VWA1: variants seen among roughly 807,000 people sequenced by gnomAD.
VWA1 encodes the protein von Willebrand factor A domain containing 1.
Under a neutral mutation model 14.9 loss-of-function variants are expected in VWA1, and 12 were observed. The ratio of observed to expected loss-of-function variants is 0.80; its 90% CI spans 0.52 to 1.30. The LOEUF (loss-of-function observed/expected upper bound fraction) is 1.30. Ranked by LOEUF, VWA1 falls within the 50% of genes most tolerant of loss-of-function variation. VWA1 has a pLI of 0.00. For missense variants in VWA1, 800 were observed against 649.1 expected (o/e 1.23, Z -2.53); for synonymous variants, 368 against 310.7 (o/e 1.18, Z -1.94).
rs749383814 is a variant in VWA1, at chr1:1,435,798, T to TGGCGCGGAGC, written c.62_71dup (p.Gly25ArgfsTer74). On this transcript the variant is annotated frameshift_variant, in exon 1 of 3. Coordinates refer to ENST00000476993, the MANE Select transcript of VWA1 (RefSeq NM_022834.5). LOFTEE classifies it high-confidence loss of function. ...CTGGCCCTGAGCTTGCGGCTGGCGC[T>TGGCGCGGAGC]GGCGCGGAGCGGCGCGGAGCGCGGT... The TGGCGCGGAGC allele has an allele frequency of 9.3e-4, 1,120 of 1,202,546 alleles. 1 individual carries two copies. Among genetic ancestry groups the TGGCGCGGAGC allele is most frequent in the Non-Finnish European group, 1.1e-3 (1,018 of 966,322 alleles). 74.5% of individuals were successfully genotyped at this position (1,202,546 alleles called of 1,614,324 possible).
Position 1,437,446 on chromosome 1 carries a change from T to A in VWA1, c.593T>A (p.Leu198Gln), listed in dbSNP as rs771175066. The change falls in exon 2 of 3, where the codon CTG becomes CAG. Residue 198 changes from leucine (L) to glutamine (Q), a missense_variant. Transcript: ENST00000476993. The stretch of plus-strand genomic sequence containing the variant: ...CTGCACTTTGTGGACGTGGATGACC[T>A]GCACATCATTGTCCAAGAGCTGAGG... ...KHLHFVDVDD[L>Q]HIIVQELRGS... 1 of 1,611,346 alleles carries A rather than the reference T, an allele frequency of 6.2e-7. No individual in the cohort carries two copies. Among genetic ancestry groups the A allele is most frequent in the Non-Finnish European group, 8.5e-7 (1 of 1,178,864 alleles).
Position 1,439,171 on chromosome 1 carries a change from G to T in VWA1, c.722G>T (p.Gly241Val), listed in dbSNP as rs1638604494. ...CCACCCCTGCTGACCGCAGACTCGG[G>T]CTACTATGTGCTGGAGCTGGTGCCC... ...AWPPLLTADSGYYVLELVPSA... is the reference protein window; with the variant it reads ...AWPPLLTADSVYYVLELVPSA... Residue 241 changes from glycine to valine, a missense_variant, in exon 3 of 3, where the codon GGC becomes GTC. Transcript: ENST00000476993. 2 of 1,604,956 alleles carry T rather than the reference G, an allele frequency of 1.2e-6. No homozygotes were observed. The highest frequency in any genetic ancestry group is 8.5e-7 in the Non-Finnish European group (1 of 1,179,396).
chr1:1,437,140 C>A lies in VWA1; in HGVS notation c.287C>A (p.Ala96Asp). 1 of 1,606,570 alleles carries A rather than the reference C, an allele frequency of 6.2e-7. No individual in the cohort carries two copies. Among genetic ancestry groups the A allele is most frequent in the Non-Finnish European group, 8.5e-7 (1 of 1,175,572 alleles). The change falls in exon 2 of 3, where the codon GCT becomes GAT. Residue 96 changes from alanine to aspartate, a missense_variant. Physicochemically the swap from Ala to Asp is moderately radical, Grantham distance 126 (BLOSUM62 -2). Coordinates refer to ENST00000476993, the MANE Select transcript of VWA1 (RefSeq NM_022834.5). Reference protein sequence around the residue: ...FPFGQHSSGEAAQDAVRASAQ... With the variant: ...FPFGQHSSGEDAQDAVRASAQ... ...TTCGGCCAGCACAGCTCGGGTGAGG[C>A]TGCCCAGGATGCGGTGCGTGCTTCT...
rs1424457563 is a variant in VWA1 at position 1,439,094 on chromosome 1, G to C, written c.645G>C (p.Pro215=). 1.9e-6 allele frequency: 3 copies of C among 1,598,442 alleles called. No homozygotes were observed. Among genetic ancestry groups the C allele is most frequent in the East Asian group, 2.2e-5 (1 of 44,754 alleles). ...LRGSILDAMR[P]QQLHATEITS... is the part of the protein sequence containing the mutation. Reference sequence around the variant, plus strand: ...CACCACCCACAGACGCGATGCGGCCGCAGCAGCTCCATGCCACGGAGATCA... The same window carrying C: ...CACCACCCACAGACGCGATGCGGCCCCAGCAGCTCCATGCCACGGAGATCA... The change falls in exon 3 of 3, where the codon CCG becomes CCC. Residue 215 remains proline (P), a synonymous_variant. Coordinates refer to ENST00000476993, the MANE Select transcript of VWA1 (RefSeq NM_022834.5).
In VWA1 at chr1:1,437,168, C is replaced by T. The variant is rs1638563157; in HGVS notation, c.315C>T (p.Ala105=). The T allele has an allele frequency of 4.3e-6, 7 of 1,610,644 alleles. No individual in the cohort carries two copies. The highest frequency in any genetic ancestry group is 5.9e-6 in the Non-Finnish European group (7 of 1,178,804). The part of the protein sequence containing the change: ...EAAQDAVRAS[A]QRMGDTHTGL... Reference sequence around the variant, plus strand: ...CCCAGGATGCGGTGCGTGCTTCTGCCCAGCGCATGGGTGACACCCACACTG... The same window carrying T: ...CCCAGGATGCGGTGCGTGCTTCTGCTCAGCGCATGGGTGACACCCACACTG... Residue 105 remains alanine (A), a synonymous_variant, in exon 2 of 3, where the codon GCC becomes GCT. Coordinates refer to ENST00000476993, the MANE Select transcript of VWA1 (RefSeq NM_022834.5).
At position 1,437,368 on chromosome 1, in the gene VWA1, G is replaced by A. The variant is rs772265345; in HGVS notation, c.515G>A (p.Arg172Gln). 66 of 1,612,650 alleles carry A rather than the reference G, an allele frequency of 4.1e-5. No individual in the cohort carries two copies. Among genetic ancestry groups the A allele is most frequent in the South Asian group, 2.2e-4 (20 of 91,074 alleles). Residue 172 changes from arginine to glutamine, a missense_variant, in exon 2 of 3, where the codon CGA (arginine) becomes CAA (glutamine). By Grantham distance (43) the Arg-to-Gln change is conservative. Coordinates refer to ENST00000476993, the MANE Select transcript of VWA1 (RefSeq NM_022834.5). ...ACCGTGTTCATTGTCAGCACCGGCC[G>A]AGGCAACTTCCTGGAGCTGTCAGCC... The part of the protein sequence containing the change: ...GVTVFIVSTG[R>Q]GNFLELSAAA...
Position 1,435,716 on chromosome 1 carries a change from G to T in VWA1, c.-33G>T. 1 of 1,190,622 alleles carries T rather than the reference G, an allele frequency of 8.4e-7. No individual in the cohort carries two copies. The allele number at this position is 1,190,622 out of a possible 1,614,324, so 73.8% of individuals were successfully genotyped here. A position where few individuals can be genotyped will look rare whatever the true frequency, so the allele number is the denominator to read the frequency against. On this transcript the variant is annotated 5_prime_UTR_variant, in exon 1 of 3. Coordinates refer to ENST00000476993, the MANE Select transcript of VWA1 (RefSeq NM_022834.5). Reference sequence around the variant, plus strand: ...GCCCCGAGCGAGCGAGCGAGCGAGCGAGTTGCCGAGCGCGCCCCGTCCCTC... The same window carrying T: ...GCCCCGAGCGAGCGAGCGAGCGAGCTAGTTGCCGAGCGCGCCCCGTCCCTC...
intron 2 of VWA1, among the ~76,000 whole-genome samples, chr1:1,437,957 G>C (rs936420373): frequency 6.6e-6 from 1 of 152,176 alleles, no homozygotes; most frequent in African/African-American, 2.4e-5. Context: ...AACTAGTTCG[G>C]ACTGCAGGCC....
At position 1,437,463 on chromosome 1, in the gene VWA1, G is replaced by A. The variant is rs368214505; in HGVS notation, c.610G>A (p.Glu204Lys). 3 of 1,605,874 alleles carry A rather than the reference G, an allele frequency of 1.9e-6. No homozygotes were observed. In the African/African-American group the frequency reaches 4.0e-5, roughly 21 times the overall value. The change falls in exon 2 of 3, where the codon GAG becomes AAG. Residue 204 changes from glutamate to lysine, a missense_variant. Coordinates refer to ENST00000476993, the MANE Select transcript of VWA1 (RefSeq NM_022834.5). ...GGATGACCTGCACATCATTGTCCAAGAGCTGAGGGGCTCCATTCTCGGTAT... is the reference window on the plus strand; with the variant it reads ...GGATGACCTGCACATCATTGTCCAAAAGCTGAGGGGCTCCATTCTCGGTAT... ...DVDDLHIIVQ[E>K]LRGSILDAMR...
rs1169941796 is a variant in VWA1, at chr1:1,439,490, C to A, written c.1041C>A (p.Ser347Arg). 139 of 1,416,494 alleles carry A rather than the reference C, an allele frequency of 9.8e-5. No homozygotes were observed. The highest frequency in any genetic ancestry group is 1.2e-4 in the Non-Finnish European group (134 of 1,090,038). 87.7% of individuals were successfully genotyped at this position (1,416,494 alleles called of 1,614,324 possible). The change falls in exon 3 of 3, where the codon AGC (serine) becomes AGA (arginine). Residue 347 changes from serine to arginine, a missense_variant. Coordinates refer to ENST00000476993, the MANE Select transcript of VWA1 (RefSeq NM_022834.5). ...TCATCTCCCACGCCCGGCCGCGCAG[C>A]CTCCGCGTGAGTTGGGCCCCAGCGC... Reference protein sequence around the residue: ...RIVISHARPRSLRVSWAPALG... With the variant: ...RIVISHARPRRLRVSWAPALG...
chr1:1,435,904 C>A, intron 1 of VWA1, 83 bp downstream of exon 1: 1 of 897,158 alleles, frequency 1.1e-6, no homozygotes, highest in Non-Finnish European at 1.3e-6. Flanking sequence ...CGTCGCTGTC[C>A]CCTGCTCCGG....
intron 2 of VWA1, among the ~76,000 whole-genome samples, chr1:1,438,136 A>G (rs539517016): frequency 5.3e-5 from 8 of 152,274 alleles, no homozygotes; most frequent in Admixed American, 5.2e-4. Flanking sequence ...CCACTGAAAA[A>G]TGCCAACCCT....
Position 1,439,761 on chromosome 1 carries a change from C to A in VWA1, c.1312C>A (p.Pro438Thr), listed in dbSNP as rs1023125265. The A allele has an allele frequency of 1.1e-3, 1,200 of 1,086,118 alleles. 1 individual carries two copies. Among genetic ancestry groups the A allele is most frequent in the Non-Finnish European group, 1.3e-3 (1,133 of 895,782 alleles). 67.3% of individuals were successfully genotyped at this position (1,086,118 alleles called of 1,614,324 possible). A position where few individuals can be genotyped will look rare whatever the true frequency, so the allele number is the denominator to read the frequency against. The change falls in exon 3 of 3, where the codon CCG (proline) becomes ACG (threonine). Residue 438 changes from proline to threonine, a missense_variant. By Grantham distance (38) the Pro-to-Thr change is conservative. Coordinates refer to ENST00000476993, the MANE Select transcript of VWA1 (RefSeq NM_022834.5). ...ACGCCCCGTGCCCCGCGCCCCGACC[C>A]CGGGGACCGCCAGCCGTGAGCCGTA... ...RPRPVPRAPT[P>T]GTASREP is the part of the protein sequence containing the mutation.
In VWA1 at chr1:1,435,736, T is replaced by A. The variant is rs1044198077; in HGVS notation, c.-13T>A. ...CGAGCGAGTTGCCGAGCGCGCCCCG[T>A]CCCTCGCGCGCGATGCTCCCCTGGA... On this transcript the variant is annotated 5_prime_UTR_variant, in exon 1 of 3. Coordinates refer to ENST00000476993, the MANE Select transcript of VWA1 (RefSeq NM_022834.5). 12 of 1,204,348 alleles carry A rather than the reference T, an allele frequency of 1.0e-5. No individual in the cohort carries two copies. In the African/African-American group the frequency reaches 1.8e-4, roughly 18 times the overall value. 74.6% of individuals were successfully genotyped at this position (1,204,348 alleles called of 1,614,324 possible).
In VWA1 at chr1:1,439,652, G is replaced by T; in HGVS notation, c.1203G>T (p.Val401=). Residue 401 remains valine (V), a synonymous_variant, in exon 3 of 3, where the codon GTG becomes GTT. Coordinates refer to ENST00000476993, the MANE Select transcript of VWA1 (RefSeq NM_022834.5). The stretch of plus-strand genomic sequence containing the variant: ...TGGCGCCGGGCACCGCCTACCTGGT[G>T]ACCGTGACCGCCGCCTTCCGCTCGG... ...QGLAPGTAYL[V]TVTAAFRSGR... is the part of the protein sequence containing the mutation. 1 of 1,323,038 alleles carries T rather than the reference G, an allele frequency of 7.6e-7. No individual in the cohort carries two copies. The highest frequency in any genetic ancestry group is 1.5e-5 in the South Asian group (1 of 67,552). 82.0% of individuals were successfully genotyped at this position (1,323,038 alleles called of 1,614,324 possible).
intron 2 of VWA1, among the ~76,000 whole-genome samples, chr1:1,438,409 G>A (rs957891854): frequency 6.6e-6 from 1 of 152,160 alleles, no homozygotes. Flanking sequence ...AAAGAGGCCG[G>A]GTCTGAGGGT....
At position 1,439,708 on chromosome 1, in the gene VWA1, G is replaced by GCACGCCCGACGGCC; in HGVS notation, c.1261_1274dup (p.Arg428ThrfsTer116). The GCACGCCCGACGGCC allele has an allele frequency of 8.4e-7, 1 of 1,192,028 alleles. No homozygotes were observed. Among genetic ancestry groups the GCACGCCCGACGGCC allele is most frequent in the Non-Finnish European group, 1.0e-6 (1 of 957,012 alleles). 73.8% of individuals were successfully genotyped at this position (1,192,028 alleles called of 1,614,324 possible). A position where few individuals can be genotyped will look rare whatever the true frequency, so the allele number is the denominator to read the frequency against. On this transcript the variant is annotated frameshift_variant, in exon 3 of 3. Coordinates refer to ENST00000476993, the MANE Select transcript of VWA1 (RefSeq NM_022834.5). LOFTEE classifies it low-confidence loss of function (END_TRUNC). ...GAGAGCGCGCTGTCCGCCAAGGCCT[G>GCACGCCCGACGGCC]CACGCCCGACGGCCCGCGCCCGCGC...
Position 1,439,726 on chromosome 1 carries a change from G to T in VWA1, c.1277G>T (p.Arg426Leu). The T allele has an allele frequency of 1.8e-6, 2 of 1,134,690 alleles. No homozygotes were observed. The highest frequency in any genetic ancestry group is 2.2e-6 in the Non-Finnish European group (2 of 924,658). The allele number at this position is 1,134,690 out of a possible 1,614,324, so 70.3% of individuals were successfully genotyped here. Residue 426 changes from arginine (R) to leucine (L), a missense_variant, in exon 3 of 3, where the codon CGC becomes CTC. Coordinates refer to ENST00000476993, the MANE Select transcript of VWA1 (RefSeq NM_022834.5). ...SAKACTPDGP[R>L]PRPRPVPRAP... ...AAGGCCTGCACGCCCGACGGCCCGCGCCCGCGCCCACGCCCCGTGCCCCGC... is the reference window on the plus strand; with the variant it reads ...AAGGCCTGCACGCCCGACGGCCCGCTCCCGCGCCCACGCCCCGTGCCCCGC...
Position 1,435,694 on chromosome 1 carries a change from C to CCGAGCGAGCGAGCGAGCGAG in VWA1, c.-50_-31dup. 1 of 1,157,474 alleles carries CCGAGCGAGCGAGCGAGCGAG rather than the reference C, an allele frequency of 8.6e-7. No individual in the cohort carries two copies. Among genetic ancestry groups the CCGAGCGAGCGAGCGAGCGAG allele is most frequent in the Non-Finnish European group, 1.1e-6 (1 of 935,578 alleles). The allele number at this position is 1,157,474 out of a possible 1,614,324, so 71.7% of individuals were successfully genotyped here. On this transcript the variant is annotated 5_prime_UTR_variant, in exon 1 of 3. Coordinates refer to ENST00000476993, the MANE Select transcript of VWA1 (RefSeq NM_022834.5). Reference sequence around the variant, plus strand: ...CCGCGCGGTGACGCGCCCTGCAGCCCCGAGCGAGCGAGCGAGCGAGCGAGT... The same window carrying CCGAGCGAGCGAGCGAGCGAG: ...CCGCGCGGTGACGCGCCCTGCAGCCCCGAGCGAGCGAGCGAGCGAGCGAGCGAGCGAGCGAGCGAGCGAGT...
Sources: gnomAD v4.1 joint callset for allele counts (sites outside exome capture counted in the v4.1 genomes callset) on GRCh38, gnomAD v4.1.1 for gene constraint, MANE v1.5 for transcripts, NCBI Gene and HGNC (gene_info 2026-07-23, HGNC 2026-07-21) for gene names.